The following ZNF581 variants were observed in gnomAD, a reference collection of about 807,000 sequenced individuals.
ZNF581 encodes zinc finger protein 581.
Under a neutral mutation model 1.2 loss-of-function variants are expected in ZNF581, and 1 was observed. The observed-to-expected ratio is 0.83, with a 90% CI of 0.30 to 3.95. The LOEUF is 3.95. Ranked by LOEUF, ZNF581 falls within the 30% of genes most tolerant of loss-of-function variation. ZNF581 has a pLI of 0.18. For synonymous variants in ZNF581, 105 were observed against 109.2 expected (o/e 0.96, Z 0.24); for missense variants, 273 against 274.6 (o/e 0.99, Z 0.04).
chr19:55,638,453 G>T (rs1982226441), upstream of ZNF581, among the ~76,000 whole-genome samples: 1 of 152,124 alleles, frequency 6.6e-6, no homozygotes, highest in Non-Finnish European at 1.5e-5. Flanking sequence ...TGGCCAGGAT[G>T]GTCTTGATCT....
At chr19:55,638,483 C>A (rs1413819839), upstream of ZNF581, among the ~76,000 whole-genome samples, 2 of 152,162 alleles carry the variant, frequency 1.3e-5, no homozygotes, top group Non-Finnish European at 2.9e-5. Flanking sequence ...AATCTGCCCG[C>A]CTCGCCCTCC....
upstream of ZNF581, chr19:55,642,579 C>G (rs371800796): frequency 1.4e-6 from 2 of 1,450,628 alleles, no homozygotes; most frequent in Non-Finnish European, 1.8e-6. Flanking sequence ...CCACCGCCCC[C>G]CAAGGCTCCC....
At chr19:55,640,281 C>T (rs550976873), upstream of ZNF581, 1 of 985,480 alleles carries the variant, frequency 1.0e-6, no homozygotes, top group East Asian at 1.1e-4. Context: ...CGGAGTCCTT[C>T]GCATGCGCAG....
At chr19:55,643,101 C>G (rs942282959), upstream of ZNF581, 5 of 1,320,122 alleles carry the variant, frequency 3.8e-6, no homozygotes, top group Non-Finnish European at 4.8e-6. Context: ...TCACTCACTC[C>G]CACACACACC....
Position 55,644,834 on chromosome 19 carries a change from G to C in ZNF581, c.263G>C (p.Ser88Thr). 6.2e-7 allele frequency: 1 copy of C among 1,612,850 alleles called. No homozygotes were observed. Among genetic ancestry groups the C allele is most frequent in the South Asian group, 1.1e-5 (1 of 91,076 alleles). ...SGAPGQKKCY[S>T]CPVCSRVFEY... Reference sequence around the variant, plus strand: ...GCTCCAGGCCAGAAAAAGTGCTACAGCTGCCCCGTGTGCTCAAGGGTCTTC... The same window carrying C: ...GCTCCAGGCCAGAAAAAGTGCTACACCTGCCCCGTGTGCTCAAGGGTCTTC... Residue 88 changes from serine (S) to threonine (T), a missense_variant, in exon 2 of 2, where the codon AGC becomes ACC. By Grantham distance (58) the Ser-to-Thr change is moderately conservative. Coordinates refer to ENST00000270451, the MANE Select transcript of ZNF581 (RefSeq NM_016535.4). The surrounding 1 kb of genome is among the most constrained non-coding windows in gnomAD (Gnocchi z 4.3).
chr19:55,637,952 G>T (rs79139793), upstream of ZNF581, among the ~76,000 whole-genome samples: 15,464 of 152,214 alleles, frequency 0.1, 1,133 homozygotes, highest in East Asian at 0.28. Context: ...TGGGGGTGGG[G>T]GTTGTGGCCA....
upstream of ZNF581, chr19:55,642,990 ACGCCG>A: frequency 1.5e-6 from 2 of 1,371,692 alleles, no homozygotes; most frequent in Non-Finnish European, 1.9e-6. Flanking sequence ...CGCTTCCAGG[ACGCCG>A]CGGAGCTGGC....
upstream of ZNF581, among the ~76,000 whole-genome samples, chr19:55,637,719 G>C (rs1982178339): frequency 6.6e-6 from 1 of 152,154 alleles, no homozygotes; most frequent in South Asian, 2.1e-4. Context: ...CCTGGTGTGG[G>C]CAGAGGCAGG....
In ZNF581 at chr19:55,645,508, C is replaced by T. The variant is rs931610065; in HGVS notation, c.*343C>T. 3.0e-5 allele frequency: 7 copies of T among 230,752 alleles called. No homozygotes were observed. The East Asian group carries it at 6.7e-4, about 22-fold the overall frequency. The allele number at this position is 230,752 out of a possible 1,614,324, so 14.3% of individuals were successfully genotyped here. ...AAGGTGGCTGTGGGTCGTCAGGAAT[C>T]TGCGCCATCTTCCTGGGGCTTCTGC... On this transcript the variant is annotated 3_prime_UTR_variant, in exon 2 of 2. Transcript: ENST00000270451.
At chr19:55,642,752 C>A (rs114142434), upstream of ZNF581, 5,026 of 1,533,632 alleles carry the variant, frequency 3.3e-3, 160 homozygotes, top group African/African-American at 0.06. Context: ...GCGCGAGGCG[C>A]CCCCAGGAGA....
Position 55,644,957 on chromosome 19 carries a change from A to G in ZNF581, c.386A>G (p.His129Arg), listed in dbSNP as rs768485759. 5.6e-6 allele frequency: 9 copies of G among 1,612,796 alleles called. No individual in the cohort carries two copies. Among genetic ancestry groups the G allele is most frequent in the Non-Finnish European group, 7.6e-6 (9 of 1,179,042 alleles). Residue 129 changes from histidine to arginine, a missense_variant, in exon 2 of 2, where the codon CAC becomes CGC. By Grantham distance (29) the His-to-Arg change is conservative (BLOSUM62 0). Transcript: ENST00000270451. This position sits in a 1 kb window ranked among gnomAD's most constrained non-coding sequence, Gnocchi z 4.3. ...GGGAAGGCATTCAAGCGCGCCAGCC[A>G]CTTGGCACGGCACCATTCCATTCAC... ...ICGKAFKRAS[H>R]LARHHSIHLA...
chr19:55,641,220 G>A, upstream of ZNF581: 1 of 981,530 alleles, frequency 1.0e-6, no homozygotes, highest in Non-Finnish European at 1.2e-6. Flanking sequence ...GCCTGGCCCT[G>A]GGACGACGCC....
At chr19:55,639,959 C>T (rs1982345276), upstream of ZNF581, among the ~76,000 whole-genome samples, 1 of 152,220 alleles carries the variant, frequency 6.6e-6, no homozygotes, top group African/African-American at 2.4e-5. Flanking sequence ...CTCTGATACA[C>T]CAGCCACATT....
At chr19:55,640,076 G>T, upstream of ZNF581, 2 of 961,008 alleles carry the variant, frequency 2.1e-6, no homozygotes, top group Non-Finnish European at 2.5e-6. Context: ...GCACCCCAGG[G>T]TCTTGGGGCT....
upstream of ZNF581, among the ~76,000 whole-genome samples, chr19:55,636,172 G>A (rs1490270638): frequency 6.6e-6 from 1 of 152,196 alleles, no homozygotes; most frequent in Non-Finnish European, 1.5e-5. Context: ...ATTCAACACA[G>A]CTGTGAGAAG....
chr19:55,641,741 TG>T (rs79295688), upstream of ZNF581: 22,124 of 123,900 alleles, frequency 0.18, 1,751 homozygotes, highest in East Asian at 0.24. Context: ...GTAGCCAGGT[TG>T]GGGGGGCGGG....
chr19:55,643,237 C>T (rs1203986379), upstream of ZNF581: 2 of 836,934 alleles, frequency 2.4e-6, no homozygotes, highest in African/African-American at 3.6e-5. Context: ...CGTTGCCCCT[C>T]CCTGGGCCTG....
exon 1 of ZNF581, chr19:55,635,586 C>G: frequency 1.2e-6 from 1 of 814,258 alleles, no homozygotes; most frequent in Non-Finnish European, 1.5e-6. Context: ...GAGGATTCAT[C>G]GAGACCCTGG....
exon 1 of ZNF581, chr19:55,635,605 A>G: frequency 2.2e-6 from 2 of 903,096 alleles, no homozygotes; most frequent in Non-Finnish European, 2.7e-6. Context: ...GGATATGAAT[A>G]TGCAGTGTGA....
Sources: allele counts gnomAD v4.1 joint callset (sites outside exome capture counted in the v4.1 genomes callset), GRCh38; gene constraint gnomAD v4.1.1; non-coding constraint Gnocchi (gnomAD v3.1); transcripts MANE v1.5; gene names NCBI Gene and HGNC (gene_info 2026-07-23, HGNC 2026-07-21).